TTC29: variants seen among roughly 807,000 people sequenced by gnomAD.
The protein encoded by TTC29 is tetratricopeptide repeat domain 29.
In TTC29, 49 loss-of-function variants were observed where a neutral mutation model predicts 58.1. That is an observed-to-expected ratio of 0.84 (90% CI 0.67 to 1.07). The LOEUF (loss-of-function observed/expected upper bound fraction) is 1.07, where lower values mean the gene tolerates loss of function less well. Among genes scored for constraint, TTC29 ranks in the 50% least tolerant of loss-of-function variants. TTC29 has a pLI of 0.00. For missense variants in TTC29, 582 were observed against 555.6 expected (o/e 1.05, Z -0.48); for synonymous variants, 209 against 196.8 (o/e 1.06, Z -0.52).
At chr4:146,781,866 T>C (rs940480643) in intron 11 of TTC29, among the ~76,000 whole-genome samples, 1 of 151,902 alleles carries the variant, frequency 6.6e-6, no homozygotes, top group Non-Finnish European at 1.5e-5. Context: ...GCATGGAGTA[T>C]GAAAGAAATC....
intron 9 of TTC29, among the ~76,000 whole-genome samples, chr4:146,821,985 GTT>G (rs34100285): frequency 0.27 from 29,141 of 109,034 alleles, 2,354 homozygotes; most frequent in Admixed American, 0.34. Context: ...CATGTCTAGT[GTT>G]TTTTTTTTTT....
rs1561047024 is a variant in TTC29, at chr4:146,708,341, T to TATATATATATATATATATAC, written c.1331-791_1331-790insGTATATATATATATATATAT. 1.1e-4 allele frequency among the ~76,000 whole-genome samples: 7 copies of TATATATATATATATATATAC among 62,852 alleles called. No homozygotes were observed. The East Asian group carries it at 4.5e-3, about 40-fold the overall frequency. The allele number at this position is 62,852 out of a possible 152,430, so 41.2% of individuals were successfully genotyped here. ...ATATATATATATATATATATATATA[T>TATATATATATATATATATAC]ATATATATATATATACACATGTATG... On this transcript the variant is annotated intron_variant, in intron 11 of 12. Transcript: ENST00000325106.
chr4:146,800,430 T>C (rs536639033), intron 11 of TTC29, among the ~76,000 whole-genome samples: 102 of 151,794 alleles, frequency 6.7e-4, no homozygotes, highest in African/African-American at 2.4e-3. Flanking sequence ...CTTTGATCTG[T>C]TTTTTTTCTG....
intron 11 of TTC29, among the ~76,000 whole-genome samples, chr4:146,737,592 G>T (rs1027070471): frequency 3.6e-5 from 3 of 82,916 alleles, no homozygotes; most frequent in East Asian, 5.0e-4. Context: ...AGTAGCCCTG[G>T]GGGGGGGGGG....
At chr4:146,758,308 G>T (rs891256478) in intron 11 of TTC29, among the ~76,000 whole-genome samples, 1 of 152,062 alleles carries the variant, frequency 6.6e-6, no homozygotes, top group Admixed American at 6.6e-5. Flanking sequence ...AAACATATAT[G>T]CACCTAACAC....
intron 11 of TTC29, among the ~76,000 whole-genome samples, chr4:146,768,811 A>G (rs567054023): frequency 8.5e-4 from 129 of 152,160 alleles, no homozygotes; most frequent in Middle Eastern, 3.4e-3. Flanking sequence ...TTCAAAGTCT[A>G]TTTTTAATGA....
intron 11 of TTC29, among the ~76,000 whole-genome samples, chr4:146,770,600 C>G (rs933915661): frequency 6.6e-6 from 1 of 151,906 alleles, no homozygotes; most frequent in African/African-American, 2.4e-5. Flanking sequence ...TAAGAGATAA[C>G]ATTCTCCCAA....
intron 11 of TTC29, among the ~76,000 whole-genome samples, chr4:146,732,551 G>C (rs1222333221): frequency 1.3e-5 from 2 of 152,154 alleles, no homozygotes; most frequent in Non-Finnish European, 2.9e-5. Context: ...GTGGAGGGCA[G>C]CGAAGTAGTT....
At chr4:146,768,414 C>G (rs1231534795) in intron 11 of TTC29, among the ~76,000 whole-genome samples, 2 of 151,962 alleles carry the variant, frequency 1.3e-5, no homozygotes, top group Non-Finnish European at 2.9e-5. Flanking sequence ...AAGTCAGAAG[C>G]AAAACAGTAT....
intron 11 of TTC29, among the ~76,000 whole-genome samples, chr4:146,728,211 T>C (rs1743933089): frequency 6.6e-6 from 1 of 150,972 alleles, no homozygotes; most frequent in Non-Finnish European, 1.5e-5. Context: ...CACCTGAACA[T>C]GGAGGCAAAG....
At chr4:146,808,180 A>G (rs1247700789) in intron 10 of TTC29, among the ~76,000 whole-genome samples, 1 of 152,204 alleles carries the variant, frequency 6.6e-6, no homozygotes, top group Non-Finnish European at 1.5e-5. Context: ...CCTTCGATAA[A>G]ATTAAACATG....
intron 6 of TTC29, among the ~76,000 whole-genome samples, chr4:146,883,708 A>G (rs1731789297): frequency 6.6e-6 from 1 of 152,086 alleles, no homozygotes; most frequent in African/African-American, 2.4e-5. Flanking sequence ...CTCCTTGCAA[A>G]GCTTTGAAAA....
At chr4:146,797,687 A>T (rs532602642) in intron 11 of TTC29, among the ~76,000 whole-genome samples, 4 of 151,014 alleles carry the variant, frequency 2.6e-5, no homozygotes, top group Middle Eastern at 3.4e-3. Flanking sequence ...TCTTTTTATC[A>T]CTGATTTCAA....
intron 11 of TTC29, among the ~76,000 whole-genome samples, chr4:146,744,165 T>A (rs185555105): frequency 1.8e-4 from 27 of 152,280 alleles, no homozygotes; most frequent in Non-Finnish European, 3.7e-4. Flanking sequence ...TTACTCCAAA[T>A]GAAGAAGGCT....
chr4:146,796,909 G>C (rs1390862648), intron 11 of TTC29, among the ~76,000 whole-genome samples: 1 of 152,064 alleles, frequency 6.6e-6, no homozygotes, highest in Non-Finnish European at 1.5e-5. Context: ...AGGCCCCTTT[G>C]TGCAGTAGGC....
At chr4:146,876,477 G>T (rs1318684642) in intron 6 of TTC29, among the ~76,000 whole-genome samples, 2 of 152,194 alleles carry the variant, frequency 1.3e-5, no homozygotes, top group Admixed American at 6.5e-5. Flanking sequence ...ATTGAATAGT[G>T]TGGGTTGGAG....
chr4:146,782,246 C>T (rs1748671152), intron 11 of TTC29, among the ~76,000 whole-genome samples: 1 of 151,578 alleles, frequency 6.6e-6, no homozygotes, highest in African/African-American at 2.4e-5. Context: ...TTGTCTTCTA[C>T]TAGTCCCTTC....
chr4:146,854,099 T>C (rs1729681739), intron 8 of TTC29, among the ~76,000 whole-genome samples: 1 of 152,120 alleles, frequency 6.6e-6, no homozygotes, highest in South Asian at 2.1e-4. Flanking sequence ...GCAGGACTGA[T>C]CCATTTGCCC....
chr4:146,925,565 T>A (rs1192204821), intron 4 of TTC29, among the ~76,000 whole-genome samples: 1 of 152,172 alleles, frequency 6.6e-6, no homozygotes, highest in African/African-American at 2.4e-5. Flanking sequence ...GTGTGGCCAT[T>A]TCAAATATAG....
Sources: allele counts gnomAD v4.1 joint callset (sites outside exome capture counted in the v4.1 genomes callset), GRCh38; gene constraint gnomAD v4.1.1; transcripts MANE v1.5; gene names NCBI Gene and HGNC (gene_info 2026-07-23, HGNC 2026-07-21).